PDXP: variants seen among roughly 807,000 people sequenced by gnomAD.
PDXP encodes the protein chronophin.
PDXP carries 15 observed loss-of-function variants against 14.4 expected under a neutral mutation model. The observed-to-expected ratio is 1.04, with a 90% confidence interval of 0.70 to 1.60. The LOEUF (loss-of-function observed/expected upper bound fraction) is 1.60, where lower values mean the gene tolerates loss of function less well. Among genes scored for constraint, PDXP ranks in the 40% most tolerant of loss-of-function variants. The probability of loss-of-function intolerance (pLI) is 0.00; values close to 1 mark genes in which losing one functional copy is unlikely to be tolerated. For synonymous variants in PDXP, 233 were observed against 205.6 expected, an observed-to-expected ratio of 1.13 and a Z score of -1.14; for missense variants, 413 against 427.6, an observed-to-expected ratio of 0.97 and a Z score of 0.30.
At position 37,659,302 on chromosome 22, in the gene PDXP, G is replaced by T. The variant is rs747233492; in HGVS notation, c.520G>T (p.Val174Leu). Reference sequence around the variant, plus strand: ...CCTGCGCGACCCCGAGTGCCTACTCGTGGCCACCGACCGTGACCCATGGCA... The same window carrying T: ...CCTGCGCGACCCCGAGTGCCTACTCTTGGCCACCGACCGTGACCCATGGCA... Reference protein sequence around the residue: ...AHLRDPECLLVATDRDPWHPL... With the variant: ...AHLRDPECLLLATDRDPWHPL... Residue 174 changes from valine to leucine, a missense_variant, in exon 1 of 2, where the codon GTG (valine) becomes TTG (leucine). By Grantham distance (32) the Val-to-Leu change is conservative. Coordinates refer to ENST00000215904, the MANE Select transcript of PDXP (RefSeq NM_020315.5). 2.3e-6 allele frequency: 3 copies of T among 1,307,980 alleles called. No individual in the cohort carries two copies. Among genetic ancestry groups the T allele is most frequent in the Middle Eastern group, 2.1e-4 (1 of 4,776 alleles). The allele number at this position is 1,307,980 out of a possible 1,614,324, so 81.0% of individuals were successfully genotyped here.
chr22:37,666,127 T>G lies in PDXP; in HGVS notation c.*256T>G. The G allele has an allele frequency of 1.8e-6, 1 of 553,548 alleles. No homozygotes were observed. Among genetic ancestry groups the G allele is most frequent in the Non-Finnish European group, 3.3e-6 (1 of 302,170 alleles). 34.3% of individuals were successfully genotyped at this position (553,548 alleles called of 1,614,324 possible). A position where few individuals can be genotyped will look rare whatever the true frequency, so the allele number is the denominator to read the frequency against. On this transcript the variant is annotated 3_prime_UTR_variant, in exon 2 of 2. Coordinates refer to ENST00000215904, the MANE Select transcript of PDXP (RefSeq NM_020315.5). Reference sequence around the variant, plus strand: ...GACCCAGCCAGGTGGCCTTATTTCTTCCCTGTCACCTCCCCTCCTTGAAAT... The same window carrying G: ...GACCCAGCCAGGTGGCCTTATTTCTGCCCTGTCACCTCCCCTCCTTGAAAT...
chr22:37,665,658 C>T lies in PDXP; in HGVS notation c.678C>T (p.Phe226=). The change falls in exon 2 of 2, where the codon TTC becomes TTT. Residue 226 remains phenylalanine (F), a synonymous_variant. Transcript: ENST00000215904. The part of the protein sequence containing the change: ...PYMFECITEN[F]SIDPARTLMV... ...TGTTCGAGTGCATCACGGAGAACTT[C>T]AGCATCGACCCCGCACGCACGCTTA... 1 of 1,614,138 alleles carries T rather than the reference C, an allele frequency of 6.2e-7. No homozygotes were observed. The highest frequency in any genetic ancestry group is 8.5e-7 in the Non-Finnish European group (1 of 1,180,036).
chr22:37,665,207 TCAGG>T (rs1921028401), intron 1 of PDXP: 1 of 326,278 alleles, frequency 3.1e-6, no homozygotes, highest in African/African-American at 2.1e-5. Flanking sequence ...ATCGCGAACC[TCAGG>T]CAGGACTGAC....
In PDXP at chr22:37,658,885, C is replaced by G. The variant is rs773373749; in HGVS notation, c.103C>G (p.Arg35Gly). 2.5e-6 allele frequency: 3 copies of G among 1,221,604 alleles called. No homozygotes were observed. Among genetic ancestry groups the G allele is most frequent in the South Asian group, 3.4e-5 (1 of 28,994 alleles). The allele number at this position is 1,221,604 out of a possible 1,614,324, so 75.7% of individuals were successfully genotyped here. A position where few individuals can be genotyped will look rare whatever the true frequency, so the allele number is the denominator to read the frequency against. Residue 35 changes from arginine to glycine, a missense_variant, in exon 1 of 2, where the codon CGC (arginine) becomes GGC (glycine). Coordinates refer to ENST00000215904, the MANE Select transcript of PDXP (RefSeq NM_020315.5). ...TGACGGGGTGCTGTGGAACGGCGAGCGCGCCGTGCCGGGCGCCCCGGAGCT... is the reference window on the plus strand; with the variant it reads ...TGACGGGGTGCTGTGGAACGGCGAGGGCGCCGTGCCGGGCGCCCCGGAGCT... ...DCDGVLWNGE[R>G]AVPGAPELLE...
At position 37,665,941 on chromosome 22, in the gene PDXP, C is replaced by CA; in HGVS notation, c.*71dup. On this transcript the variant is annotated 3_prime_UTR_variant, in exon 2 of 2. Transcript: ENST00000215904. The stretch of plus-strand genomic sequence containing the variant: ...GATCCCGTAGGTGGAGGCGATGGGT[C>CA]ACGAGCCATGTTAAGCACAACCGGC... 2 of 1,448,886 alleles carry CA rather than the reference C, an allele frequency of 1.4e-6. No homozygotes were observed. Among genetic ancestry groups the CA allele is most frequent in the Non-Finnish European group, 1.9e-6 (2 of 1,054,538 alleles). The allele number at this position is 1,448,886 out of a possible 1,614,324, so 89.8% of individuals were successfully genotyped here.
At chr22:37,664,653 A>G (rs1921006140) in intron 1 of PDXP, among the ~76,000 whole-genome samples, 1 of 152,238 alleles carries the variant, frequency 6.6e-6, no homozygotes, top group African/African-American at 2.4e-5. Flanking sequence ...AATGGTGATT[A>G]TCATCATTTG....
Position 37,665,947 on chromosome 22 carries a change from C to A in PDXP, c.*76C>A. ...GTAGGTGGAGGCGATGGGTCACGAG[C>A]CATGTTAAGCACAACCGGCTCCTTG... is the stretch of plus-strand genomic sequence containing the variant. On this transcript the variant is annotated 3_prime_UTR_variant, in exon 2 of 2. Transcript: ENST00000215904. The A allele has an allele frequency of 1.4e-6, 2 of 1,420,932 alleles. No homozygotes were observed. The highest frequency in any genetic ancestry group is 1.9e-6 in the Non-Finnish European group (2 of 1,032,668). The allele number at this position is 1,420,932 out of a possible 1,614,324, so 88.0% of individuals were successfully genotyped here. A position where few individuals can be genotyped will look rare whatever the true frequency, so the allele number is the denominator to read the frequency against.
chr22:37,663,023 G>A (rs144321459), intron 1 of PDXP, among the ~76,000 whole-genome samples: 114 of 151,146 alleles, frequency 7.5e-4, no homozygotes, highest in African/African-American at 2.5e-3. Context: ...ACCATGGGCC[G>A]GTTACAGTGG....
intron 1 of PDXP, among the ~76,000 whole-genome samples, chr22:37,663,228 C>T (rs905369813): frequency 2.0e-5 from 3 of 148,166 alleles, no homozygotes; most frequent in Non-Finnish European, 4.4e-5. Context: ...GGCATGAACC[C>T]GGGAGGTGGA....
At position 37,665,893 on chromosome 22, in the gene PDXP, A is replaced by G; in HGVS notation, c.*22A>G. ...CTGAGCCCACTGCACCTGCAGCCACAGGCCCACCCCTCCCCACTCCCTGAT... is the reference window on the plus strand; with the variant it reads ...CTGAGCCCACTGCACCTGCAGCCACGGGCCCACCCCTCCCCACTCCCTGAT... On this transcript the variant is annotated 3_prime_UTR_variant, in exon 2 of 2. Coordinates refer to ENST00000215904, the MANE Select transcript of PDXP (RefSeq NM_020315.5). The G allele has an allele frequency of 4.4e-6, 7 of 1,599,854 alleles. No homozygotes were observed. Among genetic ancestry groups the G allele is most frequent in the Non-Finnish European group, 6.0e-6 (7 of 1,169,760 alleles).
At position 37,665,496 on chromosome 22, in the gene PDXP, T is replaced by A. The variant is rs866781194; in HGVS notation, c.575-59T>A. ...AATCCACCTCCCTGGACTTCCAGTT[T>A]CAGGGCCTGACGCTGTCCCTGCCGC... On this transcript the variant is annotated intron_variant, in intron 1 of 1. Transcript: ENST00000215904. The A allele has an allele frequency of 6.7e-5, 93 of 1,385,020 alleles. 1 individual carries two copies. In the African/African-American group the frequency reaches 9.8e-4, roughly 15 times the overall value. 85.8% of individuals were successfully genotyped at this position (1,385,020 alleles called of 1,614,324 possible).
intron 1 of PDXP, among the ~76,000 whole-genome samples, chr22:37,663,482 G>A (rs1160306968): frequency 6.6e-6 from 1 of 151,796 alleles, no homozygotes; most frequent in South Asian, 2.1e-4. Context: ...GGGACTGCAG[G>A]TATATGCCAC....
In PDXP at chr22:37,663,817, A is replaced by C. The variant is rs560549812; in HGVS notation, c.575-1738A>C. Among the ~76,000 whole-genome samples, 18 of 151,388 alleles carry C rather than the reference A, an allele frequency of 1.2e-4. No individual in the cohort carries two copies. In the South Asian group the frequency reaches 3.3e-3, roughly 28 times the overall value. On this transcript the variant is annotated intron_variant, in intron 1 of 1. Transcript: ENST00000215904. Reference sequence around the variant, plus strand: ...CCTGGACCGGATGTCGGTGTTACAGAGGCCAATAATTTTTTTATTTTTCGT... The same window carrying C: ...CCTGGACCGGATGTCGGTGTTACAGCGGCCAATAATTTTTTTATTTTTCGT...
In PDXP at chr22:37,666,084, A is replaced by T. The variant is rs1601597899; in HGVS notation, c.*213A>T. The T allele has an allele frequency of 4.9e-6, 3 of 612,322 alleles. No individual in the cohort carries two copies. The highest frequency in any genetic ancestry group is 6.0e-5 in the Admixed American group (2 of 33,290). 37.9% of individuals were successfully genotyped at this position (612,322 alleles called of 1,614,324 possible). ...TTGCTGCCCCAGAAGCTGGTCCCCTATGGATTCATCTTGGCCTGACCCAGC... is the reference window on the plus strand; with the variant it reads ...TTGCTGCCCCAGAAGCTGGTCCCCTTTGGATTCATCTTGGCCTGACCCAGC... On this transcript the variant is annotated 3_prime_UTR_variant, in exon 2 of 2. Transcript: ENST00000215904.
intron 1 of PDXP, among the ~76,000 whole-genome samples, chr22:37,660,802 C>T (rs941816424): frequency 1.3e-5 from 2 of 152,068 alleles, no homozygotes; most frequent in Non-Finnish European, 2.9e-5. Flanking sequence ...GCCAGGGGCA[C>T]CTAGGAAGAC....
At chr22:37,664,130 C>T (rs1292446800) in intron 1 of PDXP, among the ~76,000 whole-genome samples, 1 of 151,778 alleles carries the variant, frequency 6.6e-6, no homozygotes, top group East Asian at 1.9e-4. Flanking sequence ...GGATTTTTAC[C>T]ATGTTGGTCA....
rs555454330 is a variant in PDXP, at chr22:37,666,625, G to C, written c.*754G>C. 1.2e-5 allele frequency: 2 copies of C among 167,272 alleles called. No individual in the cohort carries two copies. The highest frequency in any genetic ancestry group is 3.9e-4 in the East Asian group (2 of 5,188). 10.4% of individuals were successfully genotyped at this position (167,272 alleles called of 1,614,324 possible). A position where few individuals can be genotyped will look rare whatever the true frequency, so the allele number is the denominator to read the frequency against. Reference sequence around the variant, plus strand: ...AGGTTTCAGTCAGTAAATAAGAGTGGTCCACGTCCTAAAGACACCTCTCCT... The same window carrying C: ...AGGTTTCAGTCAGTAAATAAGAGTGCTCCACGTCCTAAAGACACCTCTCCT... On this transcript the variant is annotated 3_prime_UTR_variant, in exon 2 of 2. Transcript: ENST00000215904.
Position 37,659,330 on chromosome 22 carries a change from C to A in PDXP, c.548C>A (p.Pro183Gln). The stretch of plus-strand genomic sequence containing the variant: ...GCCACCGACCGTGACCCATGGCACC[C>A]GCTGAGCGACGGCAGCCGGACCCCT... ...LVATDRDPWH[P>Q]LSDGSRTPGT... The change falls in exon 1 of 2, where the codon CCG becomes CAG. Residue 183 changes from proline (P) to glutamine (Q), a missense_variant. Coordinates refer to ENST00000215904, the MANE Select transcript of PDXP (RefSeq NM_020315.5). 7.7e-7 allele frequency: 1 copy of A among 1,302,272 alleles called. No individual in the cohort carries two copies. The highest frequency in any genetic ancestry group is 9.8e-7 in the Non-Finnish European group (1 of 1,022,988). 80.7% of individuals were successfully genotyped at this position (1,302,272 alleles called of 1,614,324 possible).
chr22:37,665,587 G>GCCT lies in PDXP; in HGVS notation c.609_611dup (p.Ser204dup). 1 of 1,612,116 alleles carries GCCT rather than the reference G, an allele frequency of 6.2e-7. No homozygotes were observed. The highest frequency in any genetic ancestry group is 8.5e-7 in the Non-Finnish European group (1 of 1,179,840). ...GAGCCTGGCCGCTGCAGTGGAGACA[G>GCCT]CCTCGGGACGCCAGGCCCTGGTGGT... is the stretch of plus-strand genomic sequence containing the variant. On this transcript the variant is annotated inframe_insertion, in exon 2 of 2. Coordinates refer to ENST00000215904, the MANE Select transcript of PDXP (RefSeq NM_020315.5).
Sources: gnomAD v4.1 joint callset for allele counts (sites outside exome capture counted in the v4.1 genomes callset) on GRCh38, gnomAD v4.1.1 for gene constraint, MANE v1.5 for transcripts, NCBI Gene and HGNC (gene_info 2026-07-23, HGNC 2026-07-21) for gene names.